Variants in ARHGEF28 observed in about 807,000 individuals in gnomAD.
ARHGEF28 encodes the protein 190 kDa guanine nucleotide exchange factor.
A neutral mutation model predicts 206.6 loss-of-function variants in ARHGEF28; 152 were observed. The ratio of observed to expected loss-of-function variants is 0.74; its 90% CI spans 0.64 to 0.84. The LOEUF is 0.84. Among genes scored for constraint, ARHGEF28 ranks in the 40% least tolerant of loss-of-function variants. The pLI, the probability that ARHGEF28 is intolerant of heterozygous loss-of-function variation, is 0.00. For synonymous variants in ARHGEF28, 763 were observed against 776.4 expected (o/e 0.98, Z 0.29); for missense variants, 2,028 against 2,073.2 (o/e 0.98, Z 0.42).
At chr5:73,912,700 T>C (rs1762973517) in intron 35 of ARHGEF28, among the ~76,000 whole-genome samples, 1 of 152,242 alleles carries the variant, frequency 6.6e-6, no homozygotes, top group Non-Finnish European at 1.5e-5. Context: ...AGAAAAAATA[T>C]GATGGAATCG....
At chr5:73,667,786 A>T (rs1393619677) in intron 1 of ARHGEF28, among the ~76,000 whole-genome samples, 1 of 152,214 alleles carries the variant, frequency 6.6e-6, no homozygotes, top group Non-Finnish European at 1.5e-5. Flanking sequence ...TGCTGCTTGA[A>T]TATTATGCAG....
At chr5:73,854,780 C>T (rs907319955) in intron 14 of ARHGEF28, among the ~76,000 whole-genome samples, 2 of 151,674 alleles carry the variant, frequency 1.3e-5, no homozygotes, top group Admixed American at 6.6e-5. Context: ...TGCAATGAGC[C>T]GAGATCGTGC....
At chr5:73,728,210 G>A (rs1277267317) in intron 2 of ARHGEF28, among the ~76,000 whole-genome samples, 1 of 152,182 alleles carries the variant, frequency 6.6e-6, no homozygotes, top group Non-Finnish European at 1.5e-5. Context: ...AAGTAAACAT[G>A]TAGAACAAAG....
intron 16 of ARHGEF28, among the ~76,000 whole-genome samples, chr5:73,861,747 T>C (rs996675305): frequency 6.6e-6 from 1 of 151,908 alleles, no homozygotes; most frequent in African/African-American, 2.4e-5. Context: ...ACATATTTGG[T>C]GATTGCCTAA....
intron 1 of ARHGEF28, among the ~76,000 whole-genome samples, chr5:73,665,940 C>A (rs1425894250): frequency 6.6e-6 from 1 of 152,158 alleles, no homozygotes; most frequent in Non-Finnish European, 1.5e-5. Flanking sequence ...AGTCTTAACT[C>A]ATTCCAGCAT....
intron 1 of ARHGEF28, among the ~76,000 whole-genome samples, chr5:73,648,849 C>T (rs1401388533): frequency 6.6e-6 from 1 of 152,190 alleles, no homozygotes; most frequent in South Asian, 2.1e-4. Flanking sequence ...TCCCTGCAAA[C>T]AGAAACTTCA....
intron 2 of ARHGEF28, among the ~76,000 whole-genome samples, chr5:73,749,092 G>C (rs1167034045): frequency 6.6e-6 from 1 of 152,176 alleles, no homozygotes; most frequent in Non-Finnish European, 1.5e-5. Context: ...GCAGGGCTTT[G>C]TGCCAACCAG....
chr5:73,759,018 A>T lies in ARHGEF28; in HGVS notation c.475+5816A>T, dbSNP rs552047016. Among the ~76,000 whole-genome samples, 3 of 152,204 alleles carry T rather than the reference A, an allele frequency of 2.0e-5. No individual in the cohort carries two copies. In the South Asian group the frequency reaches 6.2e-4, roughly 32 times the overall value. On this transcript the variant is annotated intron_variant, in intron 4 of 35. Coordinates refer to ENST00000513042, the MANE Select transcript of ARHGEF28 (RefSeq NM_001177693.2). ...CCAATTGAACTTTTGGAACTCTTCT[A>T]TAGGAATGTTTTGGACTTCAACACA...
intron 18 of ARHGEF28, among the ~76,000 whole-genome samples, chr5:73,866,628 A>G (rs767972761): frequency 2.0e-5 from 3 of 152,214 alleles, no homozygotes; most frequent in Non-Finnish European, 2.9e-5. Context: ...TTTGGTTTGC[A>G]TATTTTAAAA....
chr5:73,841,712 G>GAAAAAAAAA (rs33935657), intron 11 of ARHGEF28, among the ~76,000 whole-genome samples: 6 of 110,826 alleles, frequency 5.4e-5, no homozygotes, highest in Non-Finnish European at 9.1e-5. Flanking sequence ...TCAAAAAGAA[G>GAAAAAAAAA]AAAAAAAAAA....
chr5:73,689,790 A>C (rs1747701908), intron 2 of ARHGEF28, among the ~76,000 whole-genome samples: 1 of 151,974 alleles, frequency 6.6e-6, no homozygotes, highest in Non-Finnish European at 1.5e-5. Context: ...AAAAAAAAAA[A>C]ACACCAGAGG....
intron 1 of ARHGEF28, among the ~76,000 whole-genome samples, chr5:73,644,031 TGA>T (rs1744284034): frequency 7.4e-6 from 1 of 134,978 alleles, no homozygotes; most frequent in African/African-American, 2.9e-5. Context: ...GCACAGTTAG[TGA>T]GAGTCTGTCT....
chr5:73,759,569 A>G (rs1257342368), intron 4 of ARHGEF28, among the ~76,000 whole-genome samples: 2 of 152,218 alleles, frequency 1.3e-5, no homozygotes, highest in African/African-American at 4.8e-5. Flanking sequence ...GACGTTTATA[A>G]GAGTTAGGGT....
At chr5:73,839,367 G>C (rs1226011347) in intron 10 of ARHGEF28, among the ~76,000 whole-genome samples, 1 of 152,132 alleles carries the variant, frequency 6.6e-6, no homozygotes, top group Non-Finnish European at 1.5e-5. Context: ...AATAAATTAT[G>C]ATGATGCTCG....
At chr5:73,712,500 C>G (rs907894788) in intron 2 of ARHGEF28, among the ~76,000 whole-genome samples, 1 of 152,166 alleles carries the variant, frequency 6.6e-6, no homozygotes, top group Non-Finnish European at 1.5e-5. Context: ...GGCTTGGTAC[C>G]TACAGTGCTA....
At chr5:73,754,611 T>C (rs6890149) in intron 4 of ARHGEF28, among the ~76,000 whole-genome samples, 50,825 of 152,052 alleles carry the variant, frequency 0.33, 9,361 homozygotes, top group African/African-American at 0.49. Flanking sequence ...AAAAATGAAG[T>C]ATTAATAAAA....
chr5:73,684,959 G>C, intron 2 of ARHGEF28, 75 bp downstream of exon 2: 1 of 1,497,278 alleles, frequency 6.7e-7, no homozygotes, highest in Non-Finnish European at 9.2e-7. Context: ...GAAGTGGGGA[G>C]AAATGTTTTT....
chr5:73,722,592 GGT>G (rs1345048812), intron 2 of ARHGEF28, among the ~76,000 whole-genome samples: 2 of 152,140 alleles, frequency 1.3e-5, no homozygotes, highest in African/African-American at 4.8e-5. Flanking sequence ...GAAAATAATG[GGT>G]GTGGATATTC....
intron 6 of ARHGEF28, among the ~76,000 whole-genome samples, chr5:73,779,343 C>T (rs182975589): frequency 6.6e-6 from 1 of 152,256 alleles, no homozygotes; most frequent in East Asian, 1.9e-4. Flanking sequence ...CACTCCACAG[C>T]TTGGCTAAAA....
Sources: gnomAD v4.1 joint callset for allele counts (sites outside exome capture counted in the v4.1 genomes callset) on GRCh38, gnomAD v4.1.1 for gene constraint, MANE v1.5 for transcripts, NCBI Gene and HGNC (gene_info 2026-07-23, HGNC 2026-07-21) for gene names.